SHOC1: variants seen among roughly 807,000 people sequenced by gnomAD.
The protein encoded by SHOC1 is shortage in chiasmata 1.
In SHOC1, 136 loss-of-function variants were observed where a neutral mutation model predicts 179.2. That is an observed-to-expected ratio of 0.76 (90% confidence interval 0.66 to 0.87). The LOEUF is 0.87. Among genes scored for constraint, SHOC1 ranks in the 40% least tolerant of loss-of-function variants. The pLI, the probability that SHOC1 is intolerant of heterozygous loss-of-function variation, is 0.00. For synonymous variants in SHOC1, 489 were observed against 586.6 expected, an observed-to-expected ratio of 0.83 and a Z score of 2.41; for missense variants, 1,538 against 1,700.8, an observed-to-expected ratio of 0.90 and a Z score of 1.68.
intron 12 of SHOC1, among the ~76,000 whole-genome samples, chr9:111,733,193 A>G (rs1833665674): frequency 6.6e-6 from 1 of 152,224 alleles, no homozygotes; most frequent in Non-Finnish European, 1.5e-5. Flanking sequence ...CCAACTAAAT[A>G]ATGTAAATTA....
At chr9:111,759,091 G>A (rs1467930060) in intron 5 of SHOC1, 2 of 1,471,894 alleles carry the variant, frequency 1.4e-6, no homozygotes, top group African/African-American at 1.4e-5. Context: ...TCCCAAAAGA[G>A]CTGTAACGGC....
intron 5 of SHOC1, among the ~76,000 whole-genome samples, chr9:111,773,843 C>T (rs1017686213): frequency 1.3e-5 from 2 of 151,260 alleles, no homozygotes; most frequent in Non-Finnish European, 3.0e-5. Flanking sequence ...ATTTATAATT[C>T]TTATAAGACA....
chr9:111,736,397 T>C (rs1833813092), intron 12 of SHOC1, among the ~76,000 whole-genome samples: 1 of 152,022 alleles, frequency 6.6e-6, no homozygotes. Flanking sequence ...AGAGAGAACC[T>C]AGAATTAAAG....
At chr9:111,756,188 CT>C (rs1829026940) in intron 8 of SHOC1, 136 bp downstream of exon 8, 1 of 550,402 alleles carries the variant, frequency 1.8e-6, no homozygotes, top group Non-Finnish European at 3.0e-6. Flanking sequence ...AAAAATAATC[CT>C]GAGATTTCAA....
chr9:111,787,653 A>G (rs1009808787), intron 2 of SHOC1, among the ~76,000 whole-genome samples: 10 of 152,226 alleles, frequency 6.6e-5, no homozygotes, highest in African/African-American at 2.4e-4. Flanking sequence ...AAGACACTGT[A>G]AACATTGTTT....
chr9:111,764,764 C>T (rs377583378), intron 5 of SHOC1, among the ~76,000 whole-genome samples: 2 of 152,078 alleles, frequency 1.3e-5, no homozygotes, highest in African/African-American at 4.8e-5. Flanking sequence ...TCTTTTAAAA[C>T]TGTTTCAAAG....
chr9:111,747,988 A>G lies in SHOC1; in HGVS notation c.970+104T>C, dbSNP rs1834370831. The G allele has an allele frequency of 5.9e-6, 4 of 673,368 alleles. 1 individual carries two copies. The South Asian group carries it at 9.2e-5, about 15-fold the overall frequency. 41.7% of individuals were successfully genotyped at this position (673,368 alleles called of 1,614,324 possible). A position where few individuals can be genotyped will look rare whatever the true frequency, so the allele number is the denominator to read the frequency against. ...CAGGATTATAACAATCCAATTTTAA[A>G]CATGGAAACTGACTCACAGTACACT... On this transcript the variant is annotated intron_variant, in intron 9 of 27. Transcript: ENST00000682961.
intron 15 of SHOC1, among the ~76,000 whole-genome samples, chr9:111,720,861 C>A (rs555167041): frequency 1.3e-5 from 2 of 152,150 alleles, no homozygotes; most frequent in African/African-American, 4.8e-5. Context: ...GAAGTGTCAG[C>A]GTCCTTTTCT....
In SHOC1 at chr9:111,691,588, T is replaced by G. The variant is rs775107136; in HGVS notation, c.4389A>C (p.Glu1463Asp). 9 of 1,613,548 alleles carry G rather than the reference T, an allele frequency of 5.6e-6. No homozygotes were observed. The South Asian group carries it at 9.9e-5, about 18-fold the overall frequency. The change falls in exon 27 of 28, where the codon GAA becomes GAC. Residue 1463 changes from glutamate (E) to aspartate (D), a missense_variant. Glu to Asp is a conservative substitution (Grantham distance 45). Transcript: ENST00000682961. The stretch of plus-strand genomic sequence containing the variant: ...CCTTGTCTCCTGAGTTAAATGAAGA[T>G]TCATGGTGCCTTTTCTGTCCTAAAC... ...GKSLGQKRHH[E>D]SSFNSGDKES... is the part of the protein sequence containing the mutation.
chr9:111,702,705 C>T (rs1031020135), intron 22 of SHOC1, among the ~76,000 whole-genome samples: 2 of 152,228 alleles, frequency 1.3e-5, no homozygotes, highest in South Asian at 4.1e-4. Context: ...TTCTGGGAAT[C>T]TCTACCTAAT....
At chr9:111,691,479 T>G in intron 27 of SHOC1, 72 bp downstream of exon 27, 1 of 1,430,026 alleles carries the variant, frequency 7.0e-7, no homozygotes, top group Non-Finnish European at 9.4e-7. Context: ...AAAAAAATGT[T>G]AAATTTGGAG....
chr9:111,759,153 T>TAA (rs200271872), intron 5 of SHOC1: 2 of 1,605,168 alleles, frequency 1.2e-6, no homozygotes, highest in Non-Finnish European at 1.7e-6. Context: ...CTTATGGACT[T>TAA]ACACTTCAAA....
intron 16 of SHOC1, among the ~76,000 whole-genome samples, chr9:111,716,340 T>C (rs1832784680): frequency 6.6e-6 from 1 of 151,648 alleles, no homozygotes; most frequent in African/African-American, 2.4e-5. Context: ...ATAAATATTG[T>C]TTAAGCCAAC....
chr9:111,794,525 A>C (rs1022365153), intron 1 of SHOC1, among the ~76,000 whole-genome samples: 40 of 152,166 alleles, frequency 2.6e-4, no homozygotes, highest in African/African-American at 9.2e-4. Flanking sequence ...CAGAGGTTGC[A>C]GTGAACCGAG....
rs1388821022 is a variant in SHOC1 at position 111,780,972 on chromosome 9, T to G, written c.215A>C (p.Asp72Ala). 1 of 1,613,740 alleles carries G rather than the reference T, an allele frequency of 6.2e-7. No homozygotes were observed. Among genetic ancestry groups the G allele is most frequent in the Non-Finnish European group, 8.5e-7 (1 of 1,179,780 alleles). Residue 72 changes from aspartate to alanine, a missense_variant, in exon 4 of 28, where the codon GAC (aspartate) becomes GCC (alanine). By Grantham distance (126) the Asp-to-Ala change is moderately radical. Coordinates refer to ENST00000682961, the MANE Select transcript of SHOC1 (RefSeq NM_001378211.1). ...CACAAAGAAACTTGCTTTCCATTGGTCCAAGACTGAGGTATCTGTCATTCC... is the reference window on the plus strand; with the variant it reads ...CACAAAGAAACTTGCTTTCCATTGGGCCAAGACTGAGGTATCTGTCATTCC... ...VPGMTDTSVL[D>A]QWKASFFVED... is the part of the protein sequence containing the mutation.
intron 1 of SHOC1, among the ~76,000 whole-genome samples, chr9:111,794,001 G>A (rs948859905): frequency 3.3e-5 from 5 of 151,884 alleles, no homozygotes; most frequent in Admixed American, 2.6e-4. Flanking sequence ...ACAGGCGGGT[G>A]CCACCATGCC....
In SHOC1 at chr9:111,701,315, G is replaced by T. The variant is rs373105857; in HGVS notation, c.3089+790C>A. On this transcript the variant is annotated intron_variant, in intron 23 of 27. Coordinates refer to ENST00000682961, the MANE Select transcript of SHOC1 (RefSeq NM_001378211.1). ...AAATATGAATCTGAGATATCTAGAGGTCTGAAATCATTATATTTTATAATA... is the reference window on the plus strand; with the variant it reads ...AAATATGAATCTGAGATATCTAGAGTTCTGAAATCATTATATTTTATAATA... Among the ~76,000 whole-genome samples, 7 of 152,122 alleles carry T rather than the reference G, an allele frequency of 4.6e-5. No individual in the cohort carries two copies. The South Asian group carries it at 6.2e-4, about 13-fold the overall frequency.
chr9:111,717,422 T>C (rs1025405733), intron 16 of SHOC1, among the ~76,000 whole-genome samples: 22 of 151,976 alleles, frequency 1.4e-4, no homozygotes, highest in Admixed American at 1.4e-3. Flanking sequence ...GGTGAAACCC[T>C]GTCTCTACTA....
intron 5 of SHOC1, among the ~76,000 whole-genome samples, chr9:111,773,739 A>G (rs1835714836): frequency 6.6e-6 from 1 of 152,238 alleles, no homozygotes; most frequent in Admixed American, 6.5e-5. Flanking sequence ...TAGAAAAATT[A>G]GCAAATATCA....
Sources: gnomAD v4.1 joint callset for allele counts (sites outside exome capture counted in the v4.1 genomes callset) on GRCh38, gnomAD v4.1.1 for gene constraint, MANE v1.5 for transcripts, NCBI Gene and HGNC (gene_info 2026-07-23, HGNC 2026-07-21) for gene names.